Variants in ZNF346 observed in about 807,000 individuals in gnomAD.
The protein encoded by ZNF346 is zinc finger protein 346.
Under a neutral mutation model 33.7 loss-of-function variants are expected in ZNF346, and 23 were observed. The observed-to-expected ratio is 0.68, with a 90% confidence interval of 0.49 to 0.97. The LOEUF (loss-of-function observed/expected upper bound fraction) is 0.97. ZNF346 is among the 50% of genes least tolerant of loss of function. The pLI is 0.00. For missense variants in ZNF346, 340 were observed against 371.1 expected (o/e 0.92, Z 0.69); for synonymous variants, 134 against 142.4 (o/e 0.94, Z 0.42).
At chr5:177,043,490 G>A (rs1779624933) in intron 3 of ZNF346, among the ~76,000 whole-genome samples, 2 of 152,130 alleles carry the variant, frequency 1.3e-5, no homozygotes, top group Middle Eastern at 3.2e-3. Context: ...GGGAGGCTGG[G>A]TGCGGTGGCT....
At chr5:177,075,746 G>A (rs1783718444) in intron 8 of ZNF346, among the ~76,000 whole-genome samples, 1 of 151,856 alleles carries the variant, frequency 6.6e-6, no homozygotes, top group Non-Finnish European at 1.5e-5. Flanking sequence ...GAGTGCAGTG[G>A]TGCAATCTCG....
intron 1 of ZNF346, 42 bp from the exon 2 acceptor site, chr5:177,041,084 A>C (rs764917217): frequency 9.7e-6 from 14 of 1,448,766 alleles, no homozygotes; most frequent in Non-Finnish European, 1.3e-5. Context: ...CTGTTGAGGT[A>C]GTGTTTGTCA....
intron 1 of ZNF346, among the ~76,000 whole-genome samples, chr5:177,040,541 C>T (rs1163959647): frequency 1.3e-5 from 2 of 152,144 alleles, no homozygotes; most frequent in Non-Finnish European, 2.9e-5. Flanking sequence ...GACAGGGTTT[C>T]ACCATGTTGG....
rs1581976563 is a variant in ZNF346 at position 177,067,342 on chromosome 5, G to C, written c.*2743G>C. ...CTGTAGACAGCCAGATTTGAGGAAG[G>C]GGCCCAGGCAGCCTCAGCTCCCATT... On this transcript the variant is annotated 3_prime_UTR_variant, in exon 7 of 7. Coordinates refer to ENST00000358149, the MANE Select transcript of ZNF346 (RefSeq NM_012279.4). 6.6e-6 allele frequency among the ~76,000 whole-genome samples: 1 copy of C among 152,168 alleles called. No homozygotes were observed. The highest frequency in any genetic ancestry group is 6.5e-5 in the Admixed American group (1 of 15,278).
chr5:177,050,025 CAG>C (rs1433469542), intron 4 of ZNF346, among the ~76,000 whole-genome samples: 3 of 152,198 alleles, frequency 2.0e-5, no homozygotes, highest in African/African-American at 7.2e-5. Flanking sequence ...TTAGGAGAGA[CAG>C]GGTTTCACCA....
chr5:177,060,029 G>A (rs560708280), intron 5 of ZNF346, among the ~76,000 whole-genome samples: 215 of 152,304 alleles, frequency 1.4e-3, no homozygotes, highest in Non-Finnish European at 1.9e-3. Context: ...GTAGTGACGC[G>A]GAGGACATGA....
chr5:177,073,725 A>T (rs1783608905), intron 8 of ZNF346, among the ~76,000 whole-genome samples: 1 of 136,460 alleles, frequency 7.3e-6, no homozygotes, highest in Admixed American at 8.5e-5. Flanking sequence ...AACACAGTTG[A>T]TTGTTTCAAT....
intron 1 of ZNF346, among the ~76,000 whole-genome samples, chr5:177,038,301 G>A (rs1021929665): frequency 1.4e-5 from 2 of 141,462 alleles, no homozygotes; most frequent in East Asian, 4.4e-4. Flanking sequence ...TTGTAGAGAT[G>A]TGGCTCTCCC....
intron 4 of ZNF346, among the ~76,000 whole-genome samples, chr5:177,049,150 TACA>T (rs1780520596): frequency 6.6e-6 from 1 of 152,202 alleles, no homozygotes; most frequent in African/African-American, 2.4e-5. Context: ...TAAAATATTC[TACA>T]ACATGTACAT....
rs746491049 is a variant in ZNF346 at position 177,064,756 on chromosome 5, A to T, written c.*157A>T. The T allele has an allele frequency of 7.8e-6, 5 of 637,482 alleles. No individual in the cohort carries two copies. The highest frequency in any genetic ancestry group is 4.9e-5 in the Admixed American group (2 of 40,648). 39.5% of individuals were successfully genotyped at this position (637,482 alleles called of 1,614,324 possible). A position where few individuals can be genotyped will look rare whatever the true frequency, so the allele number is the denominator to read the frequency against. ...AGACAGCCTCTCATTGGTCCGGGCT[A>T]ATTCACTCCTGCTGCTCCCCTTTGG... On this transcript the variant is annotated 3_prime_UTR_variant, in exon 7 of 7. Transcript: ENST00000358149.
At chr5:177,060,029 G>T (rs560708280) in intron 5 of ZNF346, among the ~76,000 whole-genome samples, 1 of 152,186 alleles carries the variant, frequency 6.6e-6, no homozygotes. Flanking sequence ...GTAGTGACGC[G>T]GAGGACATGA....
At chr5:177,048,787 C>CTTTTTTTTTTT (rs58509601) in intron 4 of ZNF346, among the ~76,000 whole-genome samples, 10 of 132,170 alleles carry the variant, frequency 7.6e-5, no homozygotes, top group African/African-American at 1.1e-4. Context: ...CTTTTTTTTT[C>CTTTTTTTTTTT]TTTTTTTTTT....
At chr5:177,028,069 T>G (rs1207128347) in intron 1 of ZNF346, among the ~76,000 whole-genome samples, 1 of 134,110 alleles carries the variant, frequency 7.5e-6, no homozygotes, top group Non-Finnish European at 1.6e-5. Context: ...TTTTTTTTTT[T>G]TTTGAGACGG....
intron 8 of ZNF346, among the ~76,000 whole-genome samples, chr5:177,075,415 A>G (rs1265961081): frequency 2.0e-5 from 3 of 151,484 alleles, no homozygotes; most frequent in African/African-American, 7.3e-5. Context: ...AAAAACAAAC[A>G]AACAAAAAAA....
At chr5:177,071,695 A>G (rs984403780), downstream of ZNF346, among the ~76,000 whole-genome samples, 6 of 149,290 alleles carry the variant, frequency 4.0e-5, no homozygotes, top group South Asian at 2.1e-4. Flanking sequence ...AAAAAAAAAA[A>G]AAGAAGAAGA....
chr5:177,071,684 C>CAA (rs1188659810), downstream of ZNF346, among the ~76,000 whole-genome samples: 3 of 138,296 alleles, frequency 2.2e-5, no homozygotes, highest in Non-Finnish European at 3.1e-5. Flanking sequence ...GACTCTGTCT[C>CAA]AAAAAAAAAA....
intron 1 of ZNF346, among the ~76,000 whole-genome samples, chr5:177,023,998 T>TAA (rs548695007): frequency 1.8e-4 from 27 of 148,836 alleles, no homozygotes; most frequent in East Asian, 1.6e-3. Flanking sequence ...TATATATATA[T>TAA]AATGTATATT....
At position 177,044,458 on chromosome 5, in the gene ZNF346, G is replaced by A. The variant is rs202040011; in HGVS notation, c.442G>A (p.Val148Met). 2.5e-5 allele frequency: 41 copies of A among 1,614,066 alleles called. No homozygotes were observed. In the African/African-American group the frequency reaches 2.9e-4, roughly 12 times the overall value. Residue 148 changes from valine to methionine, a missense_variant, in exon 4 of 7, where the codon GTG becomes ATG. Val to Met is a conservative substitution (Grantham distance 21). Transcript: ENST00000358149. ...ICNMTFSSPV[V>M]AQSHYLGKTH... ...TAACATGACCTTTTCCTCCCCTGTC[G>A]TGGCCCAGTCGCACTACCTGGGGAA... is the stretch of plus-strand genomic sequence containing the variant.
chr5:177,059,600 G>A (rs1481524512), intron 5 of ZNF346, among the ~76,000 whole-genome samples: 6 of 56,048 alleles, frequency 1.1e-4, no homozygotes, highest in African/African-American at 2.7e-4. Flanking sequence ...TCCCCTCCAG[G>A]TTACTGAAAT....
Sources: gnomAD v4.1 joint callset for allele counts (sites outside exome capture counted in the v4.1 genomes callset) on GRCh38, gnomAD v4.1.1 for gene constraint, MANE v1.5 for transcripts, NCBI Gene and HGNC (gene_info 2026-07-23, HGNC 2026-07-21) for gene names.